Variants in PKLR observed in about 807,000 individuals in gnomAD.
PKLR encodes the protein pyruvate kinase PKLR.
PKLR carries 38 observed loss-of-function variants against 53.6 expected under a neutral mutation model. The observed-to-expected ratio is 0.71, with a 90% confidence interval of 0.55 to 0.93. PKLR has a LOEUF of 0.93. PKLR is among the 40% of genes least tolerant of loss of function. The pLI is 0.00. For missense variants in PKLR, 702 were observed against 787.3 expected (o/e 0.89, Z 1.30); for synonymous variants, 328 against 316.2 (o/e 1.04, Z -0.39).
At chr1:155,292,780 A>T (rs1474433880) in intron 9 of PKLR, among the ~76,000 whole-genome samples, 1 of 152,220 alleles carries the variant, frequency 6.6e-6, no homozygotes, top group Non-Finnish European at 1.5e-5. Flanking sequence ...TGCCAACCCC[A>T]TGAAGAACAA....
Position 155,295,832 on chromosome 1 carries a change from CT to C in PKLR, c.284-77del. 1 of 1,224,448 alleles carries C rather than the reference CT, an allele frequency of 8.2e-7. No individual in the cohort carries two copies. The highest frequency in any genetic ancestry group is 1.2e-5 in the South Asian group (1 of 82,840). 75.8% of individuals were successfully genotyped at this position (1,224,448 alleles called of 1,614,324 possible). ...CAACCAAACCCAACCCATTACCATTCTCAGAACGCCTCACGCCACAGGCGTC... is the reference window on the plus strand; with the variant it reads ...CAACCAAACCCAACCCATTACCATTCCAGAACGCCTCACGCCACAGGCGTC... On this transcript the variant is annotated intron_variant, in intron 2 of 10. Transcript: ENST00000342741. This position sits in a 1 kb window ranked among gnomAD's most constrained non-coding sequence, Gnocchi z 4.3.
At position 155,295,811 on chromosome 1, in the gene PKLR, C is replaced by A; in HGVS notation, c.284-55G>T. ...GTTCCCCCAGAACATGAGAGGCAAC[C>A]AAACCCAACCCATTACCATTCTCAG... On this transcript the variant is annotated intron_variant, in intron 2 of 10. Transcript: ENST00000342741. This position sits in a 1 kb window ranked among gnomAD's most constrained non-coding sequence, Gnocchi z 4.3. 6.8e-7 allele frequency: 1 copy of A among 1,461,540 alleles called. No homozygotes were observed. Among genetic ancestry groups the A allele is most frequent in the East Asian group, 2.3e-5 (1 of 44,196 alleles). 90.5% of individuals were successfully genotyped at this position (1,461,540 alleles called of 1,614,324 possible).
At chr1:155,300,862 C>A (rs750231028) in intron 1 of PKLR, 1 of 1,610,518 alleles carries the variant, frequency 6.2e-7, no homozygotes, top group Non-Finnish European at 8.5e-7. Context: ...TTCAGAGGAG[C>A]CCCCGATTCC....
In PKLR at chr1:155,293,370, G is replaced by T. The variant is rs771788196; in HGVS notation, c.1270-27C>A. On this transcript the variant is annotated intron_variant, in intron 8 of 10. Transcript: ENST00000342741. The surrounding 1 kb of genome is among the most constrained non-coding windows in gnomAD (Gnocchi z 4.2). The stretch of plus-strand genomic sequence containing the variant: ...TGCAGGTGCCAGAATGTTAGTCTGG[G>T]AAGGGGCACTGGGGTATGGAAGGGA... 1 of 1,614,236 alleles carries T rather than the reference G, an allele frequency of 6.2e-7. No homozygotes were observed. The highest frequency in any genetic ancestry group is 1.1e-5 in the South Asian group (1 of 91,090).
chr1:155,305,611 T>A (rs1436547713), upstream of PKLR, among the ~76,000 whole-genome samples: 1 of 152,092 alleles, frequency 6.6e-6, no homozygotes, highest in African/African-American at 2.4e-5. Flanking sequence ...GGCAGAGACA[T>A]GGGACTTTAA....
At position 155,293,091 on chromosome 1, in the gene PKLR, T is replaced by A; in HGVS notation, c.1436+86A>T. The A allele has an allele frequency of 7.2e-7, 1 of 1,391,272 alleles. No individual in the cohort carries two copies. Among genetic ancestry groups the A allele is most frequent in the Non-Finnish European group, 1.0e-6 (1 of 977,016 alleles). 86.2% of individuals were successfully genotyped at this position (1,391,272 alleles called of 1,614,324 possible). A position where few individuals can be genotyped will look rare whatever the true frequency, so the allele number is the denominator to read the frequency against. Reference sequence around the variant, plus strand: ...TCAGGTGGACACTCTTCACCCCTGGTGACCAGACTAAACCCAAGCCTGGGG... The same window carrying A: ...TCAGGTGGACACTCTTCACCCCTGGAGACCAGACTAAACCCAAGCCTGGGG... On this transcript the variant is annotated intron_variant, in intron 9 of 10. Transcript: ENST00000342741. This position sits in a 1 kb window ranked among gnomAD's most constrained non-coding sequence, Gnocchi z 4.2.
Position 155,295,414 on chromosome 1 carries a change from C to G in PKLR, c.507+23G>C, listed in dbSNP as rs375449290. On this transcript the variant is annotated intron_variant, in intron 4 of 10. Transcript: ENST00000342741. This position sits in a 1 kb window ranked among gnomAD's most constrained non-coding sequence, Gnocchi z 4.3. The stretch of plus-strand genomic sequence containing the variant: ...CGCCGCCTTTCCGGCCCTGGCCCAG[C>G]GAGTCCCAGCCCCACTGCTCACCCC... 1.4e-5 allele frequency: 22 copies of G among 1,611,376 alleles called. No individual in the cohort carries two copies. The highest frequency in any genetic ancestry group is 1.8e-5 in the Non-Finnish European group (21 of 1,178,892).
At chr1:155,307,411 T>C in the PKLR span, among the ~76,000 whole-genome samples, 11 of 152,244 alleles carry the variant, frequency 7.2e-5, no homozygotes, top group African/African-American at 2.4e-4. Context: ...TGAGACCTAC[T>C]GGACTGCATT....
Position 155,292,353 on chromosome 1 carries a change from T to C in PKLR, c.1437-416A>G, listed in dbSNP as rs1647258964. On this transcript the variant is annotated intron_variant, in intron 9 of 10. Transcript: ENST00000342741. ...AAATCTCTTTAAGAAATATAAAAGC[T>C]GGCCAGGCACAGTGGCTCATGCCTA... is the stretch of plus-strand genomic sequence containing the variant. Among the ~76,000 whole-genome samples the C allele has an allele frequency of 2.0e-5, 3 of 150,646 alleles. No homozygotes were observed. In the South Asian group the frequency reaches 6.3e-4, roughly 32 times the overall value.
rs35869567 is a variant in PKLR, at chr1:155,299,491, C to CTTTTTTTTTTTTTTTT, written c.283+591_283+606dup. Reference sequence around the variant, plus strand: ...GGCATGAGCCACTGAGCCCAGCCCACTTTTTTTTTTTTTTTTTTTTTTTTT... The same window carrying CTTTTTTTTTTTTTTTT: ...GGCATGAGCCACTGAGCCCAGCCCACTTTTTTTTTTTTTTTTTTTTTTTTTTTTTTTTTTTTTTTTT... On this transcript the variant is annotated intron_variant, in intron 2 of 10. Transcript: ENST00000342741. Among the ~76,000 whole-genome samples, 12 of 42,760 alleles carry CTTTTTTTTTTTTTTTT rather than the reference C, an allele frequency of 2.8e-4. 1 individual carries two copies. Among genetic ancestry groups the CTTTTTTTTTTTTTTTT allele is most frequent in the South Asian group, 1.4e-3 (1 of 704 alleles). 28.1% of individuals were successfully genotyped at this position (42,760 alleles called of 152,430 possible). A position where few individuals can be genotyped will look rare whatever the true frequency, so the allele number is the denominator to read the frequency against.
In PKLR at chr1:155,293,567, C is replaced by T. The variant is rs1193999276; in HGVS notation, c.1140G>A (p.Lys380=). Residue 380 remains lysine, a synonymous_variant, in exon 8 of 11, where the codon AAG becomes AAA. Transcript: ENST00000342741. This position sits in a 1 kb window ranked among gnomAD's most constrained non-coding sequence, Gnocchi z 4.2. ...ATQMLESMIT[K]PRPTRAETSD... ...TTGTCTCTGCCCTCGTTGGCCGGGG[C>T]TTGGTAATCATGCTCTCCAGCATCT... is the stretch of plus-strand genomic sequence containing the variant. The T allele has an allele frequency of 1.2e-6, 2 of 1,614,048 alleles. No individual in the cohort carries two copies. The highest frequency in any genetic ancestry group is 2.2e-5 in the South Asian group (2 of 91,078).
Position 155,290,399 on chromosome 1 carries a change from G to A in PKLR, c.*173C>T, listed in dbSNP as rs1674478904. ...ATGGAGATGGGGAAGGGGCAACCTC[G>A]AAGGGGCTAGATGACAGTTATAGTC... On this transcript the variant is annotated 3_prime_UTR_variant, in exon 11 of 11. Transcript: ENST00000342741. The A allele has an allele frequency of 3.3e-6, 2 of 615,018 alleles. No homozygotes were observed. The highest frequency in any genetic ancestry group is 2.6e-5 in the Admixed American group (1 of 38,580). 38.1% of individuals were successfully genotyped at this position (615,018 alleles called of 1,614,324 possible).
upstream of PKLR, among the ~76,000 whole-genome samples, chr1:155,306,361 C>A (rs1013891670): frequency 2.0e-5 from 3 of 152,172 alleles, no homozygotes; most frequent in African/African-American, 7.2e-5. The surrounding 1 kb of genome is among the most constrained non-coding windows in gnomAD (Gnocchi z 4.2). Flanking sequence ...ACTGAACCCC[C>A]ATATGGGCCG....
upstream of PKLR, chr1:155,301,510 C>T (rs1395191353): frequency 1.4e-5 from 19 of 1,372,450 alleles, no homozygotes; most frequent in Non-Finnish European, 1.7e-5. Flanking sequence ...CCCAGTAGGC[C>T]ACCCTGTCCC....
chr1:155,299,529 G>A (rs1328225046), intron 2 of PKLR, among the ~76,000 whole-genome samples: 1 of 106,452 alleles, frequency 9.4e-6, no homozygotes, highest in Admixed American at 1.1e-4. Flanking sequence ...TTTGTGAGAT[G>A]GAGTTTTTCT....
chr1:155,295,731 G>A lies in PKLR; in HGVS notation c.309C>T (p.Arg103=). 6.2e-7 allele frequency: 1 copy of A among 1,614,160 alleles called. No homozygotes were observed. Among genetic ancestry groups the A allele is most frequent in the Non-Finnish European group, 8.5e-7 (1 of 1,180,004 alleles). ...TIGPASRSVE[R]LKEMIKAGMN... is the part of the protein sequence containing the mutation. ...TCCCGGCCTTGATCATCTCCTTGAG[G>A]CGCTCCACGGAGCGAGATGCTGGCC... Residue 103 remains arginine, a synonymous_variant, in exon 3 of 11, where the codon CGC becomes CGT. Coordinates refer to ENST00000342741, the MANE Select transcript of PKLR (RefSeq NM_000298.6). The surrounding 1 kb of genome is among the most constrained non-coding windows in gnomAD (Gnocchi z 4.3).
chr1:155,298,055 C>CT (rs561365092), intron 2 of PKLR, among the ~76,000 whole-genome samples: 11 of 148,792 alleles, frequency 7.4e-5, no homozygotes, highest in South Asian at 2.1e-4. Context: ...CTTTTCTTTT[C>CT]TTTTTTTTTT....
chr1:155,290,831 A>G (rs1417331989), intron 10 of PKLR, among the ~76,000 whole-genome samples, 153 bp from the exon 11 acceptor site: 1 of 151,800 alleles, frequency 6.6e-6, no homozygotes, highest in Non-Finnish European at 1.5e-5. Context: ...TCTACTGAAA[A>G]TACAAAAATT....
At chr1:155,294,202 C>T (rs754648942) in intron 7 of PKLR, 33 bp downstream of exon 7, 1 of 1,613,424 alleles carries the variant, frequency 6.2e-7, no homozygotes, top group Admixed American at 1.7e-5. Flanking sequence ...CTAAAACCCA[C>T]AGAGTGCCGA....
Sources: gnomAD v4.1 joint callset for allele counts (sites outside exome capture counted in the v4.1 genomes callset) on GRCh38, gnomAD v4.1.1 for gene constraint, Gnocchi (gnomAD v3.1) non-coding constraint, MANE v1.5 for transcripts, NCBI Gene and HGNC (gene_info 2026-07-23, HGNC 2026-07-21) for gene names.